VTI1A: variants seen among roughly 807,000 people sequenced by gnomAD.
VTI1A encodes vesicle transport through interaction with t-SNAREs homolog 1A.
Under a neutral mutation model 34.9 loss-of-function variants are expected in VTI1A, and 22 were observed. The observed-to-expected ratio is 0.63, with a 90% confidence interval of 0.45 to 0.90. The LOEUF is 0.90. Ranked by LOEUF, VTI1A falls within the 40% of genes least tolerant of loss-of-function variation. The pLI is 0.00. For missense variants in VTI1A, 268 were observed against 275.6 expected (o/e 0.97, Z 0.20); for synonymous variants, 87 against 97.3 (o/e 0.89, Z 0.62).
At chr10:112,726,056 C>T (rs958557237) in intron 7 of VTI1A, among the ~76,000 whole-genome samples, 5 of 152,152 alleles carry the variant, frequency 3.3e-5, no homozygotes, top group African/African-American at 4.8e-5. Flanking sequence ...GGGTAGATTT[C>T]CCCTGAAATG....
At chr10:112,504,470 T>C (rs553082631) in intron 3 of VTI1A, among the ~76,000 whole-genome samples, 6 of 151,822 alleles carry the variant, frequency 4.0e-5, no homozygotes, top group Non-Finnish European at 8.8e-5. Flanking sequence ...TGGAGAACTT[T>C]CCATATCAAT....
chr10:112,599,627 A>G (rs937205640), intron 5 of VTI1A, among the ~76,000 whole-genome samples: 21 of 152,086 alleles, frequency 1.4e-4, no homozygotes, highest in Admixed American at 2.0e-4. Context: ...TCTTCCAGGC[A>G]GGAGTGCAGT....
chr10:112,501,716 G>T (rs867144772), intron 3 of VTI1A, among the ~76,000 whole-genome samples: 37 of 117,904 alleles, frequency 3.1e-4, no homozygotes, highest in Admixed American at 5.0e-4. Context: ...TTTCATGTTT[G>T]CTTTTAAATT....
At chr10:112,845,091 A>C in the VTI1A span, among the ~76,000 whole-genome samples, 2 of 152,174 alleles carry the variant, frequency 1.3e-5, no homozygotes, top group Admixed American at 6.5e-5. Context: ...GTTCATTTTC[A>C]TTATTCCCTG....
At chr10:112,667,214 ATTG>A (rs1181449215) in intron 5 of VTI1A, among the ~76,000 whole-genome samples, 2 of 152,160 alleles carry the variant, frequency 1.3e-5, no homozygotes, top group Non-Finnish European at 2.9e-5. Flanking sequence ...GCCAGAGATG[ATTG>A]TTGTTATAGG....
chr10:112,583,279 C>T lies in VTI1A; in HGVS notation c.427+44949C>T, dbSNP rs893856347. ...TAGTTTTAAGCCCGGATAACAACTTCGGTTTGGTAATGTCTTCTTTTTCAT... is the reference window on the plus strand; with the variant it reads ...TAGTTTTAAGCCCGGATAACAACTTTGGTTTGGTAATGTCTTCTTTTTCAT... On this transcript the variant is annotated intron_variant, in intron 5 of 7. Coordinates refer to ENST00000393077, the MANE Select transcript of VTI1A (RefSeq NM_145206.4). 6.6e-5 allele frequency among the ~76,000 whole-genome samples: 10 copies of T among 152,154 alleles called. No individual in the cohort carries two copies. In the East Asian group the frequency reaches 1.9e-3, roughly 29 times the overall value.
chr10:112,755,111 C>T (rs926906418), intron 7 of VTI1A, among the ~76,000 whole-genome samples: 4 of 151,966 alleles, frequency 2.6e-5, no homozygotes, highest in African/African-American at 7.3e-5. Flanking sequence ...AAAAATTAGC[C>T]GGGCATGGTG....
downstream of VTI1A, among the ~76,000 whole-genome samples, chr10:112,820,042 C>T (rs183567208): frequency 1.6e-3 from 240 of 152,354 alleles, 2 homozygotes; most frequent in Admixed American, 0.011. Context: ...GATGGTCCTG[C>T]AGGAGCCACG....
chr10:112,715,035 T>A (rs1849555469), intron 7 of VTI1A, among the ~76,000 whole-genome samples: 1 of 152,248 alleles, frequency 6.6e-6, no homozygotes, highest in African/African-American at 2.4e-5. Context: ...GTTGTACCCC[T>A]AACTTTGAAA....
Position 112,773,421 on chromosome 10 carries a change from G to C in VTI1A, c.561-41869G>C, listed in dbSNP as rs1236087840. On this transcript the variant is annotated intron_variant, in intron 7 of 7. Coordinates refer to ENST00000393077, the MANE Select transcript of VTI1A (RefSeq NM_145206.4). Reference sequence around the variant, plus strand: ...AACTGAACTGCTGCTTCAGATCATAGAAGCCAGAACCCTGGAGTTCCACAC... The same window carrying C: ...AACTGAACTGCTGCTTCAGATCATACAAGCCAGAACCCTGGAGTTCCACAC... Among the ~76,000 whole-genome samples the C allele has an allele frequency of 3.3e-5, 5 of 152,282 alleles. No individual in the cohort carries two copies. In the East Asian group the frequency reaches 9.7e-4, roughly 29 times the overall value.
At chr10:112,848,925 A>G in the VTI1A span, among the ~76,000 whole-genome samples, 1 of 152,158 alleles carries the variant, frequency 6.6e-6, no homozygotes, top group South Asian at 2.1e-4. Context: ...GTTGGTAGCC[A>G]TGATTTGTGG....
At chr10:112,849,378 C>T in the VTI1A span, among the ~76,000 whole-genome samples, 1 of 152,180 alleles carries the variant, frequency 6.6e-6, no homozygotes, top group African/African-American at 2.4e-5. Flanking sequence ...GGTTACAAGT[C>T]CTGAAACCCC....
chr10:112,755,048 A>C (rs1230005990), intron 7 of VTI1A, among the ~76,000 whole-genome samples: 1 of 152,158 alleles, frequency 6.6e-6, no homozygotes, highest in Admixed American at 6.6e-5. Flanking sequence ...TGAGGCCAGG[A>C]GTTCAAAACC....
chr10:112,686,220 G>C (rs117423803), intron 7 of VTI1A, among the ~76,000 whole-genome samples: 3 of 152,126 alleles, frequency 2.0e-5, no homozygotes, highest in Non-Finnish European at 4.4e-5. Context: ...CTATGTGGCA[G>C]GTGAACCACT....
chr10:112,836,468 C>A, the VTI1A span, among the ~76,000 whole-genome samples: 3 of 152,202 alleles, frequency 2.0e-5, no homozygotes, highest in Non-Finnish European at 4.4e-5. Flanking sequence ...TCCATGCCCC[C>A]TCACGTGCTC....
chr10:112,640,536 G>A (rs2120929), intron 5 of VTI1A, among the ~76,000 whole-genome samples: 118,674 of 151,580 alleles, frequency 0.78, 46,724 homozygotes, highest in Non-Finnish European at 0.81. Context: ...AACAATCTGG[G>A]AAAAAAAACA....
chr10:112,537,311 G>GTGTATATATATATATATA (rs1419438697), intron 4 of VTI1A, among the ~76,000 whole-genome samples: 1 of 65,276 alleles, frequency 1.5e-5, no homozygotes, highest in East Asian at 3.3e-4. Context: ...AAGTATCTAG[G>GTGTATATATATATATATA]TATATATATA....
intron 3 of VTI1A, among the ~76,000 whole-genome samples, chr10:112,513,116 A>G (rs1332768707): frequency 2.0e-5 from 3 of 152,038 alleles, no homozygotes; most frequent in African/African-American, 7.2e-5. Context: ...GAATCTGTAG[A>G]TTGCTTTGGG....
intron 2 of VTI1A, among the ~76,000 whole-genome samples, chr10:112,463,428 T>C (rs1352562828): frequency 1.3e-5 from 2 of 152,220 alleles, no homozygotes; most frequent in Admixed American, 1.3e-4. Flanking sequence ...AAAGACACTA[T>C]TTTGTAAGTG....
Sources: gnomAD v4.1 joint callset for allele counts (sites outside exome capture counted in the v4.1 genomes callset) on GRCh38, gnomAD v4.1.1 for gene constraint, MANE v1.5 for transcripts, NCBI Gene and HGNC (gene_info 2026-07-23, HGNC 2026-07-21) for gene names.